The following KLF7 variants were observed in gnomAD, a reference collection of about 807,000 sequenced individuals.
KLF7 encodes Krueppel-like factor 7.
Under a neutral mutation model 27.3 loss-of-function variants are expected in KLF7, and 2 were observed. That is an observed-to-expected ratio of 0.07 (90% confidence interval 0.03 to 0.23). The LOEUF (loss-of-function observed/expected upper bound fraction) is 0.23. KLF7 is among the 10% of genes least tolerant of loss of function. KLF7 has a pLI of 1.00. For missense variants in KLF7, 221 were observed against 394.1 expected, an observed-to-expected ratio of 0.56 and a Z score of 3.72; for synonymous variants, 165 against 162.4, an observed-to-expected ratio of 1.02 and a Z score of -0.12.
At chr2:207,157,691 T>C (rs2078428566) in intron 1 of KLF7, among the ~76,000 whole-genome samples, 1 of 152,194 alleles carries the variant, frequency 6.6e-6, no homozygotes, top group African/African-American at 2.4e-5. Flanking sequence ...GGCAAGGCAA[T>C]GGCCAAGGGT....
chr2:207,113,186 A>C (rs1352726035), intron 2 of KLF7, among the ~76,000 whole-genome samples: 1 of 152,246 alleles, frequency 6.6e-6, no homozygotes, highest in East Asian at 1.9e-4. Flanking sequence ...AAGTATTTTT[A>C]ATATCTGCAC....
intron 1 of KLF7, among the ~76,000 whole-genome samples, chr2:207,162,474 G>A (rs1035365550): frequency 6.6e-6 from 1 of 152,248 alleles, no homozygotes; most frequent in African/African-American, 2.4e-5. Flanking sequence ...TAAGTATGCA[G>A]TCAGAGCCCA....
intron 1 of KLF7, among the ~76,000 whole-genome samples, chr2:207,163,185 C>T (rs1164312606): frequency 1.3e-5 from 2 of 152,210 alleles, no homozygotes; most frequent in African/African-American, 4.8e-5. Flanking sequence ...GAGTCCAGAA[C>T]ATAAAGCTCA....
chr2:207,134,285 C>A lies in KLF7; in HGVS notation c.103-9881G>T. On this transcript the variant is annotated intron_variant, in intron 1 of 3. Coordinates refer to ENST00000309446, the MANE Select transcript of KLF7 (RefSeq NM_003709.4). ...CCCATAAAAAACACACAGACACATACGATTACTTCTTGTACTCCAAAGCAC... is the reference window on the plus strand; with the variant it reads ...CCCATAAAAAACACACAGACACATAAGATTACTTCTTGTACTCCAAAGCAC... 7 of 600,030 alleles carry A rather than the reference C, an allele frequency of 1.2e-5. No homozygotes were observed. The South Asian group carries it at 1.7e-4, about 14-fold the overall frequency. 37.2% of individuals were successfully genotyped at this position (600,030 alleles called of 1,614,324 possible).
chr2:207,083,830 G>A (rs1245977081), intron 3 of KLF7, among the ~76,000 whole-genome samples: 2 of 152,162 alleles, frequency 1.3e-5, no homozygotes, highest in African/African-American at 4.8e-5. Context: ...AGAGATGTCA[G>A]CATGAGAAGG....
At chr2:207,111,356 T>A (rs1056621443) in intron 2 of KLF7, among the ~76,000 whole-genome samples, 2 of 152,160 alleles carry the variant, frequency 1.3e-5, no homozygotes, top group Non-Finnish European at 2.9e-5. Flanking sequence ...ACAGGCCACA[T>A]AAGGTTTTGA....
At chr2:207,167,505 C>G (rs550420206), upstream of KLF7, among the ~76,000 whole-genome samples, 2 of 152,304 alleles carry the variant, frequency 1.3e-5, no homozygotes, top group South Asian at 2.1e-4. Context: ...TTGAAAGATT[C>G]TACTCTATGA....
At chr2:207,150,232 A>C (rs2078205113) in intron 1 of KLF7, among the ~76,000 whole-genome samples, 1 of 152,262 alleles carries the variant, frequency 6.6e-6, no homozygotes, top group South Asian at 2.1e-4. Context: ...ATAGTTATAC[A>C]ATACTGTATT....
At chr2:207,168,454 T>TG (rs899395036), upstream of KLF7, among the ~76,000 whole-genome samples, 2 of 152,174 alleles carry the variant, frequency 1.3e-5, no homozygotes, top group African/African-American at 4.8e-5. Context: ...TCTCACAACC[T>TG]GGAAGTGGTC....
At chr2:207,089,185 A>T (rs138475742) in intron 2 of KLF7, among the ~76,000 whole-genome samples, 1 of 152,374 alleles carries the variant, frequency 6.6e-6, no homozygotes, top group African/African-American at 2.4e-5. Flanking sequence ...AACAAAAATC[A>T]CTTGACAATC....
chr2:207,126,521 G>A (rs2105997514), intron 1 of KLF7, among the ~76,000 whole-genome samples: 1 of 152,230 alleles, frequency 6.6e-6, no homozygotes, highest in East Asian at 1.9e-4. Flanking sequence ...ATATCTCTGG[G>A]AATACAATTG....
intron 1 of KLF7, among the ~76,000 whole-genome samples, chr2:207,159,758 GGCTACT>G (rs1413191085): frequency 6.6e-6 from 1 of 152,142 alleles, no homozygotes; most frequent in Non-Finnish European, 1.5e-5. Flanking sequence ...CAGATCTCAA[GGCTACT>G]GCAAACGCTC....
chr2:207,087,323 A>AT (rs2076413022), intron 3 of KLF7, among the ~76,000 whole-genome samples: 2 of 152,134 alleles, frequency 1.3e-5, no homozygotes, highest in South Asian at 4.1e-4. Context: ...GGAAAAAAAA[A>AT]GGAAGAAAAA....
At chr2:207,163,810 G>C (rs1334783657) in intron 1 of KLF7, among the ~76,000 whole-genome samples, 1 of 152,228 alleles carries the variant, frequency 6.6e-6, no homozygotes, top group Non-Finnish European at 1.5e-5. Context: ...TGGGCTGACA[G>C]TGTGAAATGA....
rs940040855 is a variant in KLF7 at position 207,165,607 on chromosome 2, C to G, written c.-39G>C. 6.2e-7 allele frequency: 1 copy of G among 1,612,240 alleles called. No homozygotes were observed. The highest frequency in any genetic ancestry group is 8.5e-7 in the Non-Finnish European group (1 of 1,179,952). ...GGCAAAACGGGAGGCGAAACCCTCC[C>G]CCGAACACAGTTGGGGCTGTTTGTT... On this transcript the variant is annotated 5_prime_UTR_variant, in exon 1 of 4. Transcript: ENST00000309446.
upstream of KLF7, among the ~76,000 whole-genome samples, chr2:207,168,153 CAAAAGGT>C: frequency 6.6e-6 from 1 of 152,166 alleles, no homozygotes. Flanking sequence ...AAACTAGAGG[CAAAAGGT>C]GAGGCAAGAC....
At chr2:207,170,210 G>C (rs1199210714), upstream of KLF7, among the ~76,000 whole-genome samples, 1 of 152,230 alleles carries the variant, frequency 6.6e-6, no homozygotes, top group Non-Finnish European at 1.5e-5. Flanking sequence ...GAACGTTTTA[G>C]TGGTGTGGAT....
At chr2:207,144,703 C>T (rs550625361) in intron 1 of KLF7, among the ~76,000 whole-genome samples, 3 of 152,322 alleles carry the variant, frequency 2.0e-5, no homozygotes, top group Non-Finnish European at 4.4e-5. Flanking sequence ...TTCAGGGCAG[C>T]AAATCTGCTG....
intron 2 of KLF7, among the ~76,000 whole-genome samples, chr2:207,089,383 A>G (rs1181189049): frequency 6.6e-6 from 1 of 152,242 alleles, no homozygotes; most frequent in Non-Finnish European, 1.5e-5. Flanking sequence ...CTTGTGCTCA[A>G]GTGACCTTTT....
Sources: allele counts gnomAD v4.1 joint callset (sites outside exome capture counted in the v4.1 genomes callset), GRCh38; gene constraint gnomAD v4.1.1; transcripts MANE v1.5; gene names NCBI Gene and HGNC (gene_info 2026-07-23, HGNC 2026-07-21).